Variants in TENM2 observed in about 807,000 individuals in gnomAD.
TENM2 encodes teneurin-2.
TENM2 carries 52 observed loss-of-function variants against 245.2 expected under a neutral mutation model. The observed-to-expected ratio is 0.21, with a 90% confidence interval of 0.17 to 0.27. The LOEUF (loss-of-function observed/expected upper bound fraction) is 0.27, where lower values mean the gene tolerates loss of function less well. TENM2 is among the 10% of genes least tolerant of loss of function. The probability of loss-of-function intolerance (pLI) is 1.00; values close to 1 mark genes in which losing one functional copy is unlikely to be tolerated. For missense variants in TENM2, 3,046 were observed against 3,666.8 expected (o/e 0.83, Z 4.37); for synonymous variants, 1,363 against 1,438.9 (o/e 0.95, Z 1.19).
intron 5 of TENM2, among the ~76,000 whole-genome samples, chr5:168,030,480 A>C (rs1335879546): frequency 1.3e-5 from 2 of 151,840 alleles, no homozygotes; most frequent in Non-Finnish European, 2.9e-5. Context: ...CCTGGACCCC[A>C]CCCCTGAGTT....
the TENM2 span, among the ~76,000 whole-genome samples, chr5:167,046,952 A>C: frequency 1.3e-5 from 2 of 150,482 alleles, no homozygotes; most frequent in African/African-American, 4.9e-5. Flanking sequence ...GAGAACATGC[A>C]CTGTTTGGTT....
At chr5:168,139,448 A>C (rs1310297587) in intron 12 of TENM2, 1 of 456,326 alleles carries the variant, frequency 2.2e-6, no homozygotes, top group Admixed American at 2.4e-5. Flanking sequence ...CTGCTTGGAC[A>C]TCTCTAAGTA....
At chr5:168,121,772 G>A (rs1581373597) in intron 10 of TENM2, among the ~76,000 whole-genome samples, 1 of 151,316 alleles carries the variant, frequency 6.6e-6, no homozygotes, top group East Asian at 1.9e-4. Context: ...CATTTTAAAT[G>A]GCTAATTATA....
rs28523777 is a variant in TENM2 at position 167,777,880 on chromosome 5, C to T, written c.503-98106C>T. 7.9e-3 allele frequency among the ~76,000 whole-genome samples: 1,195 copies of T among 152,200 alleles called. 16 individuals carry two copies. Among genetic ancestry groups the T allele is most frequent in the African/African-American group, 0.027 (1,130 of 41,504 alleles). ...AAGTAACAGCATGTGTGTGCTTGTCCGAATTCTGTGGGATAGGGGTTGGAA... is the reference window on the plus strand; with the variant it reads ...AAGTAACAGCATGTGTGTGCTTGTCTGAATTCTGTGGGATAGGGGTTGGAA... On this transcript the variant is annotated intron_variant, in intron 2 of 28. Coordinates refer to ENST00000518659, the Ensembl canonical transcript of TENM2.
rs1030552269 is a variant in TENM2 at position 167,642,160 on chromosome 5, G to GTATA, written c.503-233815_503-233812dup. Among the ~76,000 whole-genome samples the GTATA allele has an allele frequency of 5.1e-4, 73 of 142,930 alleles. 1 individual carries two copies. In the East Asian group the frequency reaches 0.013, roughly 25 times the overall value. The allele number at this position is 142,930 out of a possible 152,430, so 93.8% of individuals were successfully genotyped here. A position where few individuals can be genotyped will look rare whatever the true frequency, so the allele number is the denominator to read the frequency against. ...TGTCTCAAAAAAAAAAAAAAAATAT[G>GTATA]TATATATATATATAAACACTCACTT... is the stretch of plus-strand genomic sequence containing the variant. On this transcript the variant is annotated intron_variant, in intron 2 of 28. Coordinates refer to ENST00000518659, the Ensembl canonical transcript of TENM2.
chr5:167,907,232 C>CAAATAAATAAATAAATAAAT (rs10650485), intron 3 of TENM2, among the ~76,000 whole-genome samples: 37 of 148,036 alleles, frequency 2.5e-4, no homozygotes, highest in African/African-American at 9.3e-4. Flanking sequence ...AACTCCGTCT[C>CAAATAAATAAATAAATAAAT]AAATAAATAA....
the TENM2 span, among the ~76,000 whole-genome samples, chr5:167,015,394 C>T: frequency 6.6e-6 from 1 of 152,066 alleles, no homozygotes; most frequent in Admixed American, 6.5e-5. Context: ...TTTTAGCCTG[C>T]GTGTGTTTGG....
At position 168,216,390 on chromosome 5, in the gene TENM2, A is replaced by G. The variant is rs375140232; in HGVS notation, c.4079-378A>G. Among the ~76,000 whole-genome samples the G allele has an allele frequency of 3.3e-5, 5 of 152,364 alleles. No homozygotes were observed. In the South Asian group the frequency reaches 1.0e-3, roughly 32 times the overall value. ...ATCGGTTGTGAAGTATATTCAAGTA[A>G]CTTACTACTAATAATGTTTAGGGTA... On this transcript the variant is annotated intron_variant, in intron 21 of 28. Coordinates refer to ENST00000518659, the Ensembl canonical transcript of TENM2.
At chr5:167,040,406 G>A in the TENM2 span, among the ~76,000 whole-genome samples, 1 of 152,158 alleles carries the variant, frequency 6.6e-6, no homozygotes, top group East Asian at 2.0e-4. Context: ...GTGTGGCCTT[G>A]TAAGTCTAAG....
chr5:167,400,410 A>G (rs1421995889), intron 2 of TENM2, among the ~76,000 whole-genome samples: 2 of 152,138 alleles, frequency 1.3e-5, no homozygotes. Context: ...GAGTATAGTC[A>G]ATAAATGAGA....
At chr5:167,711,204 T>A (rs1344067441) in intron 2 of TENM2, among the ~76,000 whole-genome samples, 1 of 152,160 alleles carries the variant, frequency 6.6e-6, no homozygotes, top group African/African-American at 2.4e-5. Context: ...ATAATAGCTA[T>A]AAGCAGGAAG....
intron 5 of TENM2, among the ~76,000 whole-genome samples, chr5:168,018,386 T>C (rs901201090): frequency 2.0e-5 from 3 of 152,098 alleles, no homozygotes; most frequent in African/African-American, 7.2e-5. Context: ...CTCTTTTTTT[T>C]TTTTCCTCTT....
chr5:167,669,170 A>G (rs1282318955), intron 2 of TENM2, among the ~76,000 whole-genome samples: 4 of 152,140 alleles, frequency 2.6e-5, no homozygotes, highest in Admixed American at 6.6e-5. Context: ...GTTTACATGC[A>G]TCCTTGAATG....
At chr5:167,534,614 T>C (rs555234572) in intron 2 of TENM2, among the ~76,000 whole-genome samples, 2 of 152,310 alleles carry the variant, frequency 1.3e-5, no homozygotes, top group Admixed American at 1.3e-4. Context: ...ATTTGGACTT[T>C]ATTCAGCGAG....
chr5:167,625,147 C>G (rs192076895), intron 2 of TENM2, among the ~76,000 whole-genome samples: 66 of 152,270 alleles, frequency 4.3e-4, no homozygotes, highest in African/African-American at 1.5e-3. Context: ...GGCTCATCAT[C>G]ATCAGATATA....
the TENM2 span, among the ~76,000 whole-genome samples, chr5:167,272,479 A>AAT: frequency 6.6e-6 from 1 of 152,192 alleles, no homozygotes; most frequent in Admixed American, 6.6e-5. Flanking sequence ...TGAGCTTTTA[A>AAT]AATATGTATT....
chr5:167,918,818 G>A (rs973153064), intron 3 of TENM2, among the ~76,000 whole-genome samples: 6 of 150,008 alleles, frequency 4.0e-5, no homozygotes, highest in African/African-American at 1.5e-4. Context: ...AGAAGAAAAA[G>A]GAGCAGGAGA....
chr5:167,859,392 C>G (rs1362487990), intron 2 of TENM2, among the ~76,000 whole-genome samples: 14 of 146,816 alleles, frequency 9.5e-5, no homozygotes, highest in South Asian at 2.2e-4. Flanking sequence ...GGGGGTCAGC[C>G]CCCCGCCCGG....
intron 2 of TENM2, among the ~76,000 whole-genome samples, chr5:167,752,177 C>T (rs1762000147): frequency 6.6e-6 from 1 of 152,082 alleles, no homozygotes; most frequent in Non-Finnish European, 1.5e-5. Flanking sequence ...TCACTGCAAC[C>T]TCCACCTCCT....
Sources: allele counts gnomAD v4.1 joint callset (sites outside exome capture counted in the v4.1 genomes callset), GRCh38; gene constraint gnomAD v4.1.1; transcripts MANE v1.5; gene names NCBI Gene and HGNC (gene_info 2026-07-23, HGNC 2026-07-21).